COL27A1: variants seen among roughly 807,000 people sequenced by gnomAD.
The protein encoded by COL27A1 is collagen type XXVII alpha 1 chain.
A neutral mutation model predicts 251.3 loss-of-function variants in COL27A1; 106 were observed. That is an observed-to-expected ratio of 0.42 (90% CI 0.36 to 0.50). The LOEUF (loss-of-function observed/expected upper bound fraction) is 0.50. COL27A1 is among the 20% of genes least tolerant of loss of function. COL27A1 has a pLI of 0.00. For synonymous variants in COL27A1, 1,000 were observed against 986.3 expected (o/e 1.01, Z -0.26); for missense variants, 2,325 against 2,522.8 (o/e 0.92, Z 1.68).
At position 114,240,240 on chromosome 9, in the gene COL27A1, C is replaced by T. The variant is rs1295220355; in HGVS notation, c.2748C>T (p.Gly916=). The T allele has an allele frequency of 1.2e-6, 2 of 1,607,312 alleles. No homozygotes were observed. Residue 916 remains glycine, a synonymous_variant, in exon 20 of 61, where the codon GGC becomes GGT. Coordinates refer to ENST00000356083, the MANE Select transcript of COL27A1 (RefSeq NM_032888.4). ...PGPEGFPGDI[G]PPGDNGPEGM... ...CTCAGGGATTCCCAGGAGACATCGG[C>T]CCCCCTGGCGACAATGGCCCAGAAG...
intron 59 of COL27A1, among the ~76,000 whole-genome samples, chr9:114,308,154 C>T (rs539165582): frequency 3.3e-5 from 5 of 152,290 alleles, no homozygotes; most frequent in Admixed American, 6.5e-5. Context: ...ATTATGTATG[C>T]GAATACTTAA....
intron 57 of COL27A1, among the ~76,000 whole-genome samples, chr9:114,305,056 C>T (rs1417179150): frequency 1.3e-5 from 2 of 152,164 alleles, no homozygotes; most frequent in Non-Finnish European, 2.9e-5. Context: ...ATGGTTAGCT[C>T]GTGGGGCTCT....
chr9:114,252,614 C>A lies in COL27A1; in HGVS notation c.3055C>A (p.Pro1019Thr). The change falls in exon 26 of 61, where the codon CCC becomes ACC. Residue 1019 changes from proline to threonine, a missense_variant. By Grantham distance (38) the Pro-to-Thr change is conservative. This residue lies in a region of COL27A1 where 662 missense variants were observed against 795.3 expected (regional missense o/e 0.83). Transcript: ENST00000356083. ...ACAGGGTGATCGTGGCATGATGGGA[C>A]CCCCAGGCGTGCCTGGACCCAAGGG... ...GEKGDRGMMG[P>T]PGVPGPKGSM... 1.9e-6 allele frequency: 3 copies of A among 1,613,838 alleles called. No homozygotes were observed. Among genetic ancestry groups the A allele is most frequent in the Non-Finnish European group, 2.5e-6 (3 of 1,179,896 alleles).
At chr9:114,189,889 G>A (rs1828628324) in intron 5 of COL27A1, among the ~76,000 whole-genome samples, 1 of 152,050 alleles carries the variant, frequency 6.6e-6, no homozygotes, top group South Asian at 2.1e-4. Context: ...AATTCTATTA[G>A]TATTTCTGTT....
In COL27A1 at chr9:114,215,149, C is replaced by A. The variant is rs115003331; in HGVS notation, c.2367+4123C>A. 4.8e-3 allele frequency among the ~76,000 whole-genome samples: 738 copies of A among 152,346 alleles called. 7 individuals are homozygous for A. Among genetic ancestry groups the A allele is most frequent in the African/African-American group, 0.017 (702 of 41,584 alleles). On this transcript the variant is annotated intron_variant, in intron 12 of 60. Transcript: ENST00000356083. ...GAGCTGGAAGGGCCCAGCCCTGGCA[C>A]CGACTCCCTGGGGTGTGGTTCAGGG...
At chr9:114,249,422 G>T (rs796226317) in intron 24 of COL27A1, among the ~76,000 whole-genome samples, 95 of 152,318 alleles carry the variant, frequency 6.2e-4, no homozygotes, top group African/African-American at 2.2e-3. Flanking sequence ...CCAGCGTGGT[G>T]CTGGGATGTA....
At chr9:114,154,960 A>G (rs2134969563), upstream of COL27A1, among the ~76,000 whole-genome samples, 1 of 152,064 alleles carries the variant, frequency 6.6e-6, no homozygotes, top group East Asian at 1.9e-4. The surrounding 1 kb of genome is among the most constrained non-coding windows in gnomAD (Gnocchi z 5.8). Flanking sequence ...GTTTTTGTCG[A>G]TTCTGGGGAG....
intron 17 of COL27A1, among the ~76,000 whole-genome samples, chr9:114,235,916 G>A (rs914493647): frequency 6.6e-6 from 1 of 152,094 alleles, no homozygotes; most frequent in South Asian, 2.1e-4. Flanking sequence ...TCTTCTGAGG[G>A]CAAAGCTCTG....
chr9:114,166,246 TCCATCCATCTGTCCATCCATCCATCCAC>T (rs1236790249), intron 2 of COL27A1, among the ~76,000 whole-genome samples: 1 of 149,752 alleles, frequency 6.7e-6, no homozygotes, highest in African/African-American at 2.5e-5. Context: ...CATTTATCCA[TCCATCCATCTGTCCATCCATCCATCCAC>T]CCATCCATCC....
At chr9:114,213,696 G>C (rs541226908) in intron 12 of COL27A1, among the ~76,000 whole-genome samples, 1 of 152,308 alleles carries the variant, frequency 6.6e-6, no homozygotes, top group Non-Finnish European at 1.5e-5. Flanking sequence ...GGTGTGCATA[G>C]TATTTGAACC....
chr9:114,304,328 G>A (rs1028783376), intron 56 of COL27A1, among the ~76,000 whole-genome samples: 3 of 152,232 alleles, frequency 2.0e-5, no homozygotes, highest in African/African-American at 7.2e-5. Context: ...GGAGAGGAAG[G>A]AGACATGGCT....
At chr9:114,180,828 T>A (rs1481345586) in intron 4 of COL27A1, among the ~76,000 whole-genome samples, 1 of 151,954 alleles carries the variant, frequency 6.6e-6, no homozygotes, top group East Asian at 1.9e-4. Flanking sequence ...CTGGAGAGGG[T>A]TGGGGACGGG....
chr9:114,160,504 T>C (rs1476761290), intron 1 of COL27A1, among the ~76,000 whole-genome samples: 1 of 152,006 alleles, frequency 6.6e-6, no homozygotes, highest in Admixed American at 6.6e-5. Context: ...TAATTCATCT[T>C]ATAAAAATAT....
chr9:114,217,807 A>G (rs373604489), intron 12 of COL27A1: 314 of 470,870 alleles, frequency 6.7e-4, no homozygotes, highest in African/African-American at 5.4e-3. Flanking sequence ...AGAGGTGGGA[A>G]CTCAATGCCT....
chr9:114,168,389 C>T lies in COL27A1; in HGVS notation c.834C>T (p.Ala278=). Residue 278 remains alanine, a synonymous_variant, in exon 3 of 61, where the codon GCC becomes GCT. Coordinates refer to ENST00000356083, the MANE Select transcript of COL27A1 (RefSeq NM_032888.4). ...GLENLTTATP[A]LGSLPAGRGP... ...AGAACTTGACCACTGCCACACCAGCCCTGGGGTCACTGCCAGCAGGCAGGG... is the reference window on the plus strand; with the variant it reads ...AGAACTTGACCACTGCCACACCAGCTCTGGGGTCACTGCCAGCAGGCAGGG... 1 of 1,613,512 alleles carries T rather than the reference C, an allele frequency of 6.2e-7. No individual in the cohort carries two copies. Among genetic ancestry groups the T allele is most frequent in the Non-Finnish European group, 8.5e-7 (1 of 1,179,978 alleles).
chr9:114,270,072 G>A (rs913641754), intron 35 of COL27A1, among the ~76,000 whole-genome samples: 5 of 152,190 alleles, frequency 3.3e-5, no homozygotes, highest in Non-Finnish European at 7.3e-5. Context: ...AAGAAAAGTC[G>A]AAAGACTGGC....
intron 57 of COL27A1, among the ~76,000 whole-genome samples, chr9:114,305,199 T>C (rs1489532598): frequency 6.6e-6 from 1 of 152,228 alleles, no homozygotes; most frequent in African/African-American, 2.4e-5. Flanking sequence ...GGGAACTTAC[T>C]GCCCCCAGCT....
Position 114,231,147 on chromosome 9 carries a change from T to C in COL27A1, c.2520+15T>C. On this transcript the variant is annotated intron_variant, in intron 15 of 60. Transcript: ENST00000356083. ...AGGGCATGAAGGTAAGCAAGGGATG[T>C]TCCCCCGATTCAGGCCTTGTCCAAG... 6.2e-7 allele frequency: 1 copy of C among 1,612,880 alleles called. No individual in the cohort carries two copies. The highest frequency in any genetic ancestry group is 8.5e-7 in the Non-Finnish European group (1 of 1,179,238).
intron 16 of COL27A1, 125 bp from the exon 17 acceptor site, chr9:114,235,474 C>A: frequency 1.3e-6 from 1 of 791,400 alleles, no homozygotes; most frequent in Non-Finnish European, 2.3e-6. Context: ...CACAAGGCTG[C>A]TGCTGGCCGG....
Sources: gnomAD v4.1 joint callset for allele counts (sites outside exome capture counted in the v4.1 genomes callset) on GRCh38, gnomAD v4.1.1 for gene constraint, gnomAD v4.1.1 regional missense constraint, Gnocchi (gnomAD v3.1) non-coding constraint, MANE v1.5 for transcripts, NCBI Gene and HGNC (gene_info 2026-07-23, HGNC 2026-07-21) for gene names.